The following SUGCT variants were observed in gnomAD, a reference collection of about 807,000 sequenced individuals.
SUGCT encodes succinyl-CoA:glutarate-CoA transferase.
SUGCT carries 41 observed loss-of-function variants against 55.0 expected under a neutral mutation model. That is an observed-to-expected ratio of 0.74 (90% CI 0.58 to 0.97). The LOEUF (loss-of-function observed/expected upper bound fraction) is 0.97. SUGCT is among the 50% of genes least tolerant of loss of function. The pLI is 0.00. For missense variants in SUGCT, 568 were observed against 547.8 expected, an observed-to-expected ratio of 1.04 and a Z score of -0.37; for synonymous variants, 187 against 200.4, an observed-to-expected ratio of 0.93 and a Z score of 0.56.
chr7:40,240,595 C>T (rs1290589844), intron 7 of SUGCT, among the ~76,000 whole-genome samples: 3 of 152,228 alleles, frequency 2.0e-5, no homozygotes, highest in Non-Finnish European at 4.4e-5. Context: ...CTAAGCCTCT[C>T]AGCAGAGATT....
the SUGCT span, among the ~76,000 whole-genome samples, chr7:41,016,715 G>A: frequency 6.6e-6 from 1 of 152,252 alleles, no homozygotes; most frequent in South Asian, 2.1e-4. Flanking sequence ...TCATTGTCTA[G>A]ATAAGATGCC....
intron 9 of SUGCT, among the ~76,000 whole-genome samples, chr7:40,425,593 C>T (rs572796148): frequency 4.7e-4 from 72 of 152,026 alleles, no homozygotes; most frequent in African/African-American, 1.6e-3. Context: ...TTATGAGAGG[C>T]GGTGCTGGGG....
chr7:40,586,196 A>G (rs892493479), intron 12 of SUGCT, among the ~76,000 whole-genome samples: 1 of 152,182 alleles, frequency 6.6e-6, no homozygotes. Context: ...ATAGAATTAT[A>G]TAGTTTTAAG....
At chr7:40,716,797 G>A (rs1786047891) in intron 12 of SUGCT, among the ~76,000 whole-genome samples, 1 of 151,914 alleles carries the variant, frequency 6.6e-6, no homozygotes, top group African/African-American at 2.4e-5. Flanking sequence ...GTATATAAAC[G>A]CAGATAATAT....
At chr7:40,956,568 G>A in the SUGCT span, among the ~76,000 whole-genome samples, 2 of 151,814 alleles carry the variant, frequency 1.3e-5, no homozygotes, top group African/African-American at 2.4e-5. Context: ...TTCAAAAAAC[G>A]AGCTCCTGAA....
chr7:40,377,018 T>C (rs1472439021), intron 9 of SUGCT, among the ~76,000 whole-genome samples: 2 of 151,568 alleles, frequency 1.3e-5, no homozygotes, highest in African/African-American at 4.8e-5. Flanking sequence ...AAATCCATAG[T>C]CATTTGAGCT....
chr7:40,247,028 T>C (rs1789930401), intron 7 of SUGCT, among the ~76,000 whole-genome samples: 2 of 152,216 alleles, frequency 1.3e-5, no homozygotes, highest in African/African-American at 2.4e-5. Flanking sequence ...ATTTGAGTTG[T>C]TTTTAGTTTT....
At chr7:40,601,722 T>C (rs536241779) in intron 12 of SUGCT, among the ~76,000 whole-genome samples, 4 of 152,128 alleles carry the variant, frequency 2.6e-5, no homozygotes, top group South Asian at 2.1e-4. Context: ...TTGTAAACTT[T>C]CTTAAAATGT....
At chr7:40,459,265 A>T in intron 11 of SUGCT, 67 bp downstream of exon 11, 1 of 1,066,508 alleles carries the variant, frequency 9.4e-7, no homozygotes, top group Non-Finnish European at 1.4e-6. Context: ...CTGGTGTTTT[A>T]TATGTTTTTT....
chr7:40,585,839 C>G (rs1447752045), intron 12 of SUGCT, among the ~76,000 whole-genome samples: 1 of 152,032 alleles, frequency 6.6e-6, no homozygotes, highest in African/African-American at 2.4e-5. Context: ...ACCACCACAC[C>G]TGGCTGATTT....
chr7:40,384,456 C>G (rs1377192784), intron 9 of SUGCT, among the ~76,000 whole-genome samples: 1 of 152,086 alleles, frequency 6.6e-6, no homozygotes, highest in Non-Finnish European at 1.5e-5. Flanking sequence ...GTTTTGTCTT[C>G]TTAGATCACA....
intron 12 of SUGCT, among the ~76,000 whole-genome samples, chr7:40,634,732 A>G (rs1487367061): frequency 6.6e-6 from 1 of 152,252 alleles, no homozygotes; most frequent in Non-Finnish European, 1.5e-5. Flanking sequence ...GGAAATAGAC[A>G]TTATCATGCA....
chr7:40,840,894 T>G (rs1793244272), intron 13 of SUGCT, among the ~76,000 whole-genome samples: 1 of 61,358 alleles, frequency 1.6e-5, no homozygotes, highest in Non-Finnish European at 3.1e-5. Flanking sequence ...GACATGTATT[T>G]GGGTGTTTTT....
chr7:40,782,605 GA>G (rs1789812256), intron 13 of SUGCT: 1 of 152,142 alleles, frequency 6.6e-6, no homozygotes, highest in African/African-American at 2.4e-5. Context: ...AGATTGTCTA[GA>G]AAAGTTTGAG....
intron 6 of SUGCT, among the ~76,000 whole-genome samples, chr7:40,220,561 G>C (rs1269150223): frequency 1.3e-5 from 2 of 152,136 alleles, no homozygotes; most frequent in East Asian, 3.9e-4. Context: ...CAAAATCTGA[G>C]AGCTTTTAAT....
At chr7:40,371,862 C>A (rs1399133185) in intron 9 of SUGCT, among the ~76,000 whole-genome samples, 1 of 151,800 alleles carries the variant, frequency 6.6e-6, no homozygotes, top group East Asian at 1.9e-4. Context: ...ATTTAAAAAT[C>A]ATGTTCACTG....
chr7:40,402,101 C>T (rs1199094566), intron 9 of SUGCT, among the ~76,000 whole-genome samples: 1 of 151,956 alleles, frequency 6.6e-6, no homozygotes, highest in Non-Finnish European at 1.5e-5. Context: ...TGTCTTTACC[C>T]CTTATATACA....
At chr7:40,906,046 G>A in the SUGCT span, among the ~76,000 whole-genome samples, 1 of 151,904 alleles carries the variant, frequency 6.6e-6, no homozygotes, top group Non-Finnish European at 1.5e-5. Context: ...ATTTTTAAGT[G>A]TATAATTCAG....
the SUGCT span, among the ~76,000 whole-genome samples, chr7:40,908,323 CAGTGAGCTG>C: frequency 6.9e-6 from 1 of 144,988 alleles, no homozygotes; most frequent in African/African-American, 2.6e-5. Flanking sequence ...GTGGAGCTTG[CAGTGAGCTG>C]AGATCACGCC....
Sources: allele counts gnomAD v4.1 joint callset (sites outside exome capture counted in the v4.1 genomes callset), GRCh38; gene constraint gnomAD v4.1.1; transcripts MANE v1.5; gene names NCBI Gene and HGNC (gene_info 2026-07-23, HGNC 2026-07-21).